The following LRBA variants were observed in gnomAD, a reference collection of about 807,000 sequenced individuals.
LRBA encodes the protein LPS responsive beige-like anchor protein.
In LRBA, 176 loss-of-function variants were observed where a neutral mutation model predicts 330.0. The observed-to-expected ratio is 0.53, with a 90% CI of 0.47 to 0.60. LRBA has a LOEUF of 0.60. LRBA is among the 20% of genes least tolerant of loss of function. LRBA has a pLI of 0.00. For missense variants in LRBA, 3,259 were observed against 3,444.8 expected (o/e 0.95, Z 1.35); for synonymous variants, 1,230 against 1,193.0 (o/e 1.03, Z -0.64).
chr4:150,568,447 TTTA>T (rs1197819010), intron 40 of LRBA, among the ~76,000 whole-genome samples: 42 of 152,300 alleles, frequency 2.8e-4, no homozygotes, highest in African/African-American at 9.6e-4. Context: ...TTTCCCTTCT[TTTA>T]TTCCCTCCTT....
At chr4:150,870,653 C>T (rs772944082) in intron 19 of LRBA, 47 bp from the exon 20 acceptor site, 2 of 873,054 alleles carry the variant, frequency 2.3e-6, no homozygotes, top group Middle Eastern at 2.2e-4. Context: ...ACTGGATTAG[C>T]ATCACTATTA....
intron 48 of LRBA, among the ~76,000 whole-genome samples, chr4:150,330,755 C>A (rs1169449713): frequency 6.6e-6 from 1 of 151,730 alleles, no homozygotes; most frequent in Non-Finnish European, 1.5e-5. Flanking sequence ...GTCAGGGACC[C>A]CTGCTAGAAG....
chr4:150,402,231 C>T (rs1244227285), intron 47 of LRBA, among the ~76,000 whole-genome samples: 2 of 147,068 alleles, frequency 1.4e-5, no homozygotes, highest in South Asian at 4.3e-4. Flanking sequence ...TTATTTTAGA[C>T]GAGATCAGGC....
chr4:150,663,855 G>A (rs1229584063), intron 37 of LRBA, among the ~76,000 whole-genome samples: 1 of 152,184 alleles, frequency 6.6e-6, no homozygotes, highest in Non-Finnish European at 1.5e-5. Context: ...CTGAGAGAAA[G>A]AAGAGGCAAT....
chr4:150,904,599 A>G (rs1218371349), intron 13 of LRBA, among the ~76,000 whole-genome samples: 1 of 152,182 alleles, frequency 6.6e-6, no homozygotes, highest in Non-Finnish European at 1.5e-5. Context: ...AAGAGACACA[A>G]AGCCTTACAA....
intron 36 of LRBA, among the ~76,000 whole-genome samples, chr4:150,721,631 C>G (rs1728946879): frequency 6.6e-6 from 1 of 151,854 alleles, no homozygotes; most frequent in Admixed American, 6.6e-5. Flanking sequence ...CTTATTTTTC[C>G]TGAGACAGAG....
intron 40 of LRBA, among the ~76,000 whole-genome samples, chr4:150,505,493 C>A (rs948826605): frequency 6.6e-6 from 1 of 152,054 alleles, no homozygotes; most frequent in Non-Finnish European, 1.5e-5. Flanking sequence ...GGGTACATAA[C>A]GAAATGAAGG....
intron 47 of LRBA, among the ~76,000 whole-genome samples, chr4:150,401,179 G>A (rs1301878493): frequency 6.6e-6 from 1 of 152,232 alleles, no homozygotes; most frequent in Non-Finnish European, 1.5e-5. Context: ...GAGAGGCCTG[G>A]AACAGATCCT....
At position 150,958,419 on chromosome 4, in the gene LRBA, G is replaced by A. The variant is rs10011870; in HGVS notation, c.217-29354C>T. On this transcript the variant is annotated intron_variant, in intron 2 of 56. Transcript: ENST00000651943. The stretch of plus-strand genomic sequence containing the variant: ...AGACTGCACAAAGCTGCAAGTCCCG[G>A]AGGCCAGCCCACAAAACCACTTTTT... 6.5e-3 allele frequency among the ~76,000 whole-genome samples: 976 copies of A among 149,028 alleles called. 136 individuals are homozygous for A. Among genetic ancestry groups the A allele is most frequent in the African/African-American group, 0.024 (934 of 38,440 alleles).
chr4:150,447,751 A>G (rs1166641364), intron 44 of LRBA, among the ~76,000 whole-genome samples: 1 of 152,244 alleles, frequency 6.6e-6, no homozygotes, highest in Non-Finnish European at 1.5e-5. Flanking sequence ...GTATTTCTTC[A>G]TATTTTGAGA....
chr4:150,437,850 T>C (rs981523376), intron 44 of LRBA, among the ~76,000 whole-genome samples: 17 of 152,348 alleles, frequency 1.1e-4, no homozygotes, highest in African/African-American at 3.6e-4. Flanking sequence ...CTTTAGCAAA[T>C]TGCTTAGCAT....
Position 150,302,808 on chromosome 4 carries a change from A to G in LRBA, c.7850-16T>C. ...ATCAATCTTCCTGTAATGCAAAACA[A>G]TTTTCTTTAAAAATGCTATTAAAAA... is the stretch of plus-strand genomic sequence containing the variant. On this transcript the variant is annotated splice_polypyrimidine_tract_variant and intron_variant, in intron 52 of 56. Coordinates refer to ENST00000651943, the MANE Select transcript of LRBA (RefSeq NM_001364905.1). 1 of 1,544,910 alleles carries G rather than the reference A, an allele frequency of 6.5e-7. No homozygotes were observed. Among genetic ancestry groups the G allele is most frequent in the Non-Finnish European group, 8.7e-7 (1 of 1,145,782 alleles).
intron 40 of LRBA, among the ~76,000 whole-genome samples, chr4:150,542,710 A>T (rs142011232): frequency 2.2e-4 from 34 of 152,306 alleles, no homozygotes; most frequent in African/African-American, 7.5e-4. Context: ...GATGCTAGCC[A>T]GTTCCTGCTT....
chr4:150,298,992 G>A (rs944815534), intron 53 of LRBA, among the ~76,000 whole-genome samples: 1 of 149,940 alleles, frequency 6.7e-6, no homozygotes, highest in Non-Finnish European at 1.5e-5. Flanking sequence ...AATAATAACT[G>A]TTTTGTATAT....
intron 17 of LRBA, among the ~76,000 whole-genome samples, chr4:150,880,365 C>T (rs907252296): frequency 1.1e-4 from 17 of 151,976 alleles, no homozygotes; most frequent in African/African-American, 3.9e-4. Flanking sequence ...ACAAAAAACG[C>T]AAAAATCATC....
chr4:150,966,014 C>A (rs1738838396), intron 2 of LRBA, among the ~76,000 whole-genome samples: 1 of 152,122 alleles, frequency 6.6e-6, no homozygotes, highest in Non-Finnish European at 1.5e-5. Context: ...AGACCAGAAA[C>A]AATACCATCC....
At chr4:150,670,498 T>C (rs1041939328) in intron 37 of LRBA, among the ~76,000 whole-genome samples, 1 of 152,220 alleles carries the variant, frequency 6.6e-6, no homozygotes, top group African/African-American at 2.4e-5. Context: ...AATCTTATAG[T>C]TGCCCTTTCC....
At chr4:150,853,005 A>G in intron 22 of LRBA, 62 bp from the exon 23 acceptor site, 1 of 859,666 alleles carries the variant, frequency 1.2e-6, no homozygotes, top group Non-Finnish European at 1.7e-6. Flanking sequence ...AATACAAAAT[A>G]TAAAACTAAA....
intron 47 of LRBA, among the ~76,000 whole-genome samples, chr4:150,368,364 T>A (rs1184048178): frequency 1.3e-5 from 2 of 152,172 alleles, no homozygotes; most frequent in Non-Finnish European, 2.9e-5. Context: ...AAACTACAAT[T>A]TTTTAGAAAA....
Sources: allele counts gnomAD v4.1 joint callset (sites outside exome capture counted in the v4.1 genomes callset), GRCh38; gene constraint gnomAD v4.1.1; transcripts MANE v1.5; gene names NCBI Gene and HGNC (gene_info 2026-07-23, HGNC 2026-07-21).